The following TRAP1 variants were observed in gnomAD, a reference collection of about 807,000 sequenced individuals.
TRAP1 encodes the protein heat shock protein 75 kDa, mitochondrial.
A neutral mutation model predicts 89.1 loss-of-function variants in TRAP1; 102 were observed. That is an observed-to-expected ratio of 1.15 (90% confidence interval 0.98 to 1.35). TRAP1 has a LOEUF of 1.35. Ranked by LOEUF, TRAP1 falls within the 40% of genes most tolerant of loss-of-function variation. The pLI is 0.00. For missense variants in TRAP1, 1,256 were observed against 945.3 expected (o/e 1.33, Z -4.31); for synonymous variants, 508 against 388.0 (o/e 1.31, Z -3.64).
intron 11 of TRAP1, 89 bp from the exon 12 acceptor site, chr16:3,666,207 A>G (rs1412037240): frequency 1.4e-6 from 2 of 1,455,482 alleles, no homozygotes; most frequent in African/African-American, 1.4e-5. Context: ...CAGCCCCGCT[A>G]AGAATCAAAG....
At chr16:3,669,832 C>CAAAAAAAAAAAAAAAAA in intron 11 of TRAP1, among the ~76,000 whole-genome samples, 1 of 66,156 alleles carries the variant, frequency 1.5e-5, no homozygotes, top group Non-Finnish European at 3.5e-5. Flanking sequence ...GACTCCGTCT[C>CAAAAAAAAAAAAAAAAA]AAAAAAAAAA....
At chr16:3,709,227 C>CAAAA (rs58859365) in intron 1 of TRAP1, among the ~76,000 whole-genome samples, 1 of 82,384 alleles carries the variant, frequency 1.2e-5, no homozygotes, top group African/African-American at 4.1e-5. Flanking sequence ...AACTCCATCT[C>CAAAA]AAAAAAAAAA....
intron 1 of TRAP1, among the ~76,000 whole-genome samples, chr16:3,700,886 G>A (rs528657644): frequency 2.0e-5 from 3 of 152,034 alleles, no homozygotes; most frequent in East Asian, 1.9e-4. Context: ...GATAAGGAAA[G>A]GAAAAACAGG....
At chr16:3,685,460 C>T (rs1032569607) in intron 4 of TRAP1, among the ~76,000 whole-genome samples, 1 of 152,080 alleles carries the variant, frequency 6.6e-6, no homozygotes, top group Non-Finnish European at 1.5e-5. Flanking sequence ...CCAGTCTGTC[C>T]ACCTCTCCAC....
chr16:3,698,251 A>G (rs1472142544), intron 1 of TRAP1, among the ~76,000 whole-genome samples: 1 of 152,128 alleles, frequency 6.6e-6, no homozygotes, highest in East Asian at 1.9e-4. Context: ...CCAAGATTAC[A>G]TTAATTGAAT....
At position 3,663,429 on chromosome 16, in the gene TRAP1, G is replaced by C. The variant is rs1425422018; in HGVS notation, c.1703C>G (p.Ser568Cys). ...AGAGAGCAGGGGATGCCGACCTGGG[G>C]ACCTGTCCTCAAACTTCTCCTCCTT... The part of the protein sequence containing the change: ...HYKEEKFEDR[S>C]PAAECLSEKE... Residue 568 changes from serine to cysteine, a missense_variant, in exon 14 of 18, where the codon TCC becomes TGC. By Grantham distance (112) the Ser-to-Cys change is moderately radical (BLOSUM62 -1). Transcript: ENST00000246957. The C allele has an allele frequency of 6.2e-7, 1 of 1,613,920 alleles. No homozygotes were observed. The highest frequency in any genetic ancestry group is 8.5e-7 in the Non-Finnish European group (1 of 1,179,982).
At position 3,663,485 on chromosome 16, in the gene TRAP1, A is replaced by C. The variant is rs1210894201; in HGVS notation, c.1647T>G (p.Ser549=). 6.2e-7 allele frequency: 1 copy of C among 1,614,212 alleles called. No homozygotes were observed. Residue 549 remains serine, a synonymous_variant, in exon 14 of 18, where the codon TCT becomes TCG. Transcript: ENST00000246957. ...GATCCACGACTATGTCCGTCTCCAC[A>C]GAGATCAGCTTCTTCTTGTCAAACT... is the stretch of plus-strand genomic sequence containing the variant. ...LREFDKKKLI[S]VETDIVVDHY... is the part of the protein sequence containing the mutation.
chr16:3,712,632 G>C (rs2051547672), intron 1 of TRAP1, among the ~76,000 whole-genome samples: 1 of 152,030 alleles, frequency 6.6e-6, no homozygotes, highest in African/African-American at 2.4e-5. Flanking sequence ...TTCCAAGACA[G>C]AGTCTTGCAC....
chr16:3,669,090 C>T (rs2050875618), intron 11 of TRAP1, among the ~76,000 whole-genome samples: 1 of 152,194 alleles, frequency 6.6e-6, no homozygotes, highest in Non-Finnish European at 1.5e-5. Context: ...GTGGCCACTC[C>T]TGGGCAGGGT....
At chr16:3,714,056 A>G (rs1302836152) in intron 1 of TRAP1, among the ~76,000 whole-genome samples, 2 of 152,240 alleles carry the variant, frequency 1.3e-5, no homozygotes, top group African/African-American at 4.8e-5. Flanking sequence ...TTGCACCTGC[A>G]GCTTTCCAGA....
chr16:3,707,849 C>G (rs1221772209), intron 1 of TRAP1, among the ~76,000 whole-genome samples: 1 of 111,684 alleles, frequency 9.0e-6, no homozygotes, highest in Non-Finnish European at 1.7e-5. Flanking sequence ...CAGAGCGAGA[C>G]TCTAACTCAA....
At chr16:3,690,729 G>C in intron 2 of TRAP1, 98 bp downstream of exon 2, 2 of 1,235,260 alleles carry the variant, frequency 1.6e-6, no homozygotes, top group Non-Finnish European at 2.1e-6. Flanking sequence ...ACCTAAGGCG[G>C]TGGCTCTACC....
rs369834769 is a variant in TRAP1 at position 3,658,775 on chromosome 16, C to G, written c.2013+18G>C. 1.2e-6 allele frequency: 2 copies of G among 1,611,318 alleles called. No homozygotes were observed. The highest frequency in any genetic ancestry group is 1.7e-6 in the Non-Finnish European group (2 of 1,178,790). ...GGTAGCCTGGGTCCCTGCAGTCATC[C>G]TAAGCTGCTGCACTCACCTGATCCA... On this transcript the variant is annotated intron_variant, in intron 17 of 17. Coordinates refer to ENST00000246957, the MANE Select transcript of TRAP1 (RefSeq NM_016292.3).
At chr16:3,690,788 C>G in intron 2 of TRAP1, 39 bp downstream of exon 2, 1 of 1,349,342 alleles carries the variant, frequency 7.4e-7, no homozygotes, top group Non-Finnish European at 9.6e-7. Flanking sequence ...AGCAGTGAAC[C>G]AAAAAGCCCT....
chr16:3,706,979 T>C (rs866060443), intron 1 of TRAP1, among the ~76,000 whole-genome samples: 1 of 152,116 alleles, frequency 6.6e-6, no homozygotes, highest in Non-Finnish European at 1.5e-5. Context: ...CCGTTTTACA[T>C]TCTCACCAGC....
intron 1 of TRAP1, among the ~76,000 whole-genome samples, chr16:3,692,229 A>C (rs913645309): frequency 6.6e-6 from 1 of 152,190 alleles, no homozygotes; most frequent in Non-Finnish European, 1.5e-5. Context: ...TCCAGGAATC[A>C]AGGTTTTAAA....
chr16:3,672,707 G>A lies in TRAP1; in HGVS notation c.1158C>T (p.Phe386=), dbSNP rs561012233. Reference sequence around the variant, plus strand: ...GGACTCTGAGCAGCGTACCTCGGATGAAGCGCAGCCACTTGGGCAGGATGT... The same window carrying A: ...GGACTCTGAGCAGCGTACCTCGGATAAAGCGCAGCCACTTGGGCAGGATGT... The part of the protein sequence containing the change: ...ATDILPKWLR[F]IRGVVDSEDI... Residue 386 remains phenylalanine (F), a synonymous_variant, in exon 10 of 18, where the codon TTC becomes TTT. Transcript: ENST00000246957. The A allele has an allele frequency of 2.1e-5, 34 of 1,608,300 alleles. No homozygotes were observed. Among genetic ancestry groups the A allele is most frequent in the Non-Finnish European group, 2.8e-5 (33 of 1,177,862 alleles).
Position 3,690,904 on chromosome 16 carries a change from C to A in TRAP1, c.170G>T (p.Arg57Leu), listed in dbSNP as rs754034222. Residue 57 changes from arginine (R) to leucine (L), a missense_variant, in exon 2 of 18, where the codon CGA becomes CTA. Coordinates refer to ENST00000246957, the MANE Select transcript of TRAP1 (RefSeq NM_016292.3). Reference protein sequence around the residue: ...RNPAWSLQAGRLFSTQTAEDK... With the variant: ...RNPAWSLQAGLLFSTQTAEDK... ...CTCGGCGGTCTGCGTGCTGAACAGT[C>A]GTCCTGCCTGCAAGCTCCAGGCTGG... 3.8e-6 allele frequency: 6 copies of A among 1,593,570 alleles called. No individual in the cohort carries two copies. In the South Asian group the frequency reaches 4.5e-5, roughly 12 times the overall value.
At chr16:3,710,857 G>GTGTATA (rs1309449690) in intron 1 of TRAP1, among the ~76,000 whole-genome samples, 1 of 135,658 alleles carries the variant, frequency 7.4e-6, no homozygotes, top group African/African-American at 2.9e-5. Context: ...ATGTGTGTGT[G>GTGTATA]TATATATATA....
Sources: allele counts gnomAD v4.1 joint callset (sites outside exome capture counted in the v4.1 genomes callset), GRCh38; gene constraint gnomAD v4.1.1; transcripts MANE v1.5; gene names NCBI Gene and HGNC (gene_info 2026-07-23, HGNC 2026-07-21).